Variants in POGZ observed in about 807,000 individuals in gnomAD.
POGZ encodes the protein pogo transposable element derived with ZNF domain.
Under a neutral mutation model 134.6 loss-of-function variants are expected in POGZ, and 17 were observed. The observed-to-expected ratio is 0.13, with a 90% CI of 0.09 to 0.19. The LOEUF (loss-of-function observed/expected upper bound fraction) is 0.19, where lower values mean the gene tolerates loss of function less well. POGZ is among the 10% of genes least tolerant of loss of function. The pLI, the probability that POGZ is intolerant of heterozygous loss-of-function variation, is 1.00. For missense variants in POGZ, 1,306 were observed against 1,769.7 expected, an observed-to-expected ratio of 0.74 and a Z score of 4.70; for synonymous variants, 693 against 657.1, an observed-to-expected ratio of 1.05 and a Z score of -0.84.
At chr1:151,424,614 TG>T (rs1206757823) in intron 8 of POGZ, among the ~76,000 whole-genome samples, 4 of 152,152 alleles carry the variant, frequency 2.6e-5, no homozygotes, top group African/African-American at 9.7e-5. Flanking sequence ...AGCTAAAAAA[TG>T]GAAGTAAGAG....
intron 1 of POGZ, among the ~76,000 whole-genome samples, chr1:151,454,567 C>T (rs1311220935): frequency 6.6e-6 from 1 of 152,112 alleles, no homozygotes; most frequent in African/African-American, 2.4e-5. Context: ...TCAAGAAACA[C>T]CCAAATATTT....
At chr1:151,416,629 T>TG (rs1474082507) in intron 10 of POGZ, among the ~76,000 whole-genome samples, 1 of 150,922 alleles carries the variant, frequency 6.6e-6, no homozygotes. Flanking sequence ...TTTTGGGTTT[T>TG]TTTTTTTTTT....
chr1:151,428,223 G>A lies in POGZ; in HGVS notation c.759C>T (p.Pro253=). The A allele has an allele frequency of 1.9e-6, 3 of 1,613,976 alleles. No homozygotes were observed. The highest frequency in any genetic ancestry group is 2.5e-6 in the Non-Finnish European group (3 of 1,179,860). ...TGGCAGTGGGAGTGGTAGAAGTGCT[G>A]GGAGTGGACTTGGTCTGCTGGGACT... ...QSQSQQTKST[P]STSTTPTATQ... Residue 253 remains proline, a synonymous_variant, in exon 6 of 19, where the codon CCC becomes CCT. Coordinates refer to ENST00000271715, the MANE Select transcript of POGZ (RefSeq NM_015100.4).
intron 15 of POGZ, 57 bp downstream of exon 15, chr1:151,408,043 A>C: frequency 2.9e-6 from 4 of 1,356,426 alleles, no homozygotes; most frequent in Non-Finnish European, 4.1e-6. Flanking sequence ...AAGAAGAAGA[A>C]GAAGAAAAAA....
At chr1:151,454,226 G>A (rs909180552) in intron 1 of POGZ, among the ~76,000 whole-genome samples, 5 of 152,122 alleles carry the variant, frequency 3.3e-5, no homozygotes, top group African/African-American at 1.2e-4. Flanking sequence ...AACATTTTAA[G>A]AATACCACTT....
rs548478809 is a variant in POGZ, at chr1:151,450,124, C to T, written c.-1-7919G>A. Reference sequence around the variant, plus strand: ...TCGGCTCACTGCAACCTCCGCCTACCGGGTACAAGTAATTCTCCTGTTTCA... The same window carrying T: ...TCGGCTCACTGCAACCTCCGCCTACTGGGTACAAGTAATTCTCCTGTTTCA... On this transcript the variant is annotated intron_variant, in intron 1 of 18. Coordinates refer to ENST00000271715, the MANE Select transcript of POGZ (RefSeq NM_015100.4). Among the ~76,000 whole-genome samples, 4 of 148,476 alleles carry T rather than the reference C, an allele frequency of 2.7e-5. No homozygotes were observed. In the South Asian group the frequency reaches 6.5e-4, roughly 24 times the overall value.
At position 151,423,505 on chromosome 1, in the gene POGZ, C is replaced by T. The variant is rs938517110; in HGVS notation, c.1570G>A (p.Gly524Ser). 7 of 1,613,652 alleles carry T rather than the reference C, an allele frequency of 4.3e-6. No homozygotes were observed. Among genetic ancestry groups the T allele is most frequent in the South Asian group, 1.1e-5 (1 of 91,076 alleles). Residue 524 changes from glycine (G) to serine (S), a missense_variant, in exon 10 of 19, where the codon GGT becomes AGT. Coordinates refer to ENST00000271715, the MANE Select transcript of POGZ (RefSeq NM_015100.4). Reference protein sequence around the residue: ...KHHVELDQQNGEVDGHTICQH... With the variant: ...KHHVELDQQNSEVDGHTICQH... ...CAGATAGTGTGACCATCTACCTCAC[C>T]GTTCTGCTGATCGAGTTCTACGTGG...
chr1:151,415,874 C>G (rs1417860494), intron 10 of POGZ, among the ~76,000 whole-genome samples: 1 of 151,890 alleles, frequency 6.6e-6, no homozygotes, highest in Admixed American at 6.6e-5. Flanking sequence ...GGACACCTCA[C>G]CACCAAGCAG....
rs185873100 is a variant in POGZ at position 151,433,423 on chromosome 1, C to T, written c.284-2582G>A. On this transcript the variant is annotated intron_variant, in intron 3 of 18. Transcript: ENST00000271715. The stretch of plus-strand genomic sequence containing the variant: ...AGGAGTTTGAGACCAGCCTGACCAA[C>T]ACGGAGAAATCCCGTCTCTACTAAA... 1.4e-4 allele frequency among the ~76,000 whole-genome samples: 22 copies of T among 151,914 alleles called. 1 individual carries two copies. The East Asian group carries it at 3.3e-3, about 23-fold the overall frequency.
intron 4 of POGZ, 114 bp downstream of exon 4, chr1:151,430,552 A>G (rs762245360): frequency 2.7e-6 from 2 of 754,682 alleles, no homozygotes; most frequent in Non-Finnish European, 2.1e-6. Context: ...AAGCCAGGTC[A>G]AAAGACAAGA....
chr1:151,440,298 C>T (rs755368359), intron 3 of POGZ, among the ~76,000 whole-genome samples: 26 of 151,334 alleles, frequency 1.7e-4, no homozygotes, highest in African/African-American at 3.4e-4. Context: ...TCCCTCGCAG[C>T]GATGCAATGA....
chr1:151,423,450 G>A lies in POGZ; in HGVS notation c.1625C>T (p.Pro542Leu). ...TTCCAAGTGGCACTGAAGCTGGAAG[G>A]GAGTGGAAAACTGGCGGTAACAGTG... ...CQHCYRQFST[P>L]FQLQCHLENV... Residue 542 changes from proline (P) to leucine (L), a missense_variant, in exon 10 of 19, where the codon CCC becomes CTC. Coordinates refer to ENST00000271715, the MANE Select transcript of POGZ (RefSeq NM_015100.4). The A allele has an allele frequency of 6.2e-7, 1 of 1,614,094 alleles. No homozygotes were observed. Among genetic ancestry groups the A allele is most frequent in the Non-Finnish European group, 8.5e-7 (1 of 1,179,928 alleles).
chr1:151,426,774 C>G (rs1274067593), intron 7 of POGZ: 1 of 152,032 alleles, frequency 6.6e-6, no homozygotes, highest in Non-Finnish European at 1.5e-5. Context: ...GCTTTTTGTC[C>G]TATAATTTTT....
chr1:151,438,336 T>C (rs944380895), intron 3 of POGZ, among the ~76,000 whole-genome samples: 1 of 152,180 alleles, frequency 6.6e-6, no homozygotes, highest in African/African-American at 2.4e-5. Context: ...TGCTTATCTA[T>C]GGATGAATTT....
At chr1:151,408,850 A>AG in intron 12 of POGZ, 22 bp from the exon 13 acceptor site, 1 of 1,607,502 alleles carries the variant, frequency 6.2e-7, no homozygotes. Context: ...GAGGGAAAAA[A>AG]AGAGACAAAA....
At chr1:151,456,854 G>C (rs1662833214) in intron 1 of POGZ, among the ~76,000 whole-genome samples, 1 of 152,106 alleles carries the variant, frequency 6.6e-6, no homozygotes, top group Non-Finnish European at 1.5e-5. Context: ...ACTCCACCCT[G>C]GGCGACAGAG....
At chr1:151,443,212 A>G (rs908081523) in intron 1 of POGZ, among the ~76,000 whole-genome samples, 1 of 152,206 alleles carries the variant, frequency 6.6e-6, no homozygotes, top group Non-Finnish European at 1.5e-5. Flanking sequence ...AAATGCATTT[A>G]TTATGATTAC....
At position 151,459,372 on chromosome 1, in the gene POGZ, G is replaced by A. The variant is rs954277122; in HGVS notation, c.-222C>T. 1 of 145,998 alleles carries A rather than the reference G, an allele frequency of 6.8e-6. No individual in the cohort carries two copies. Among genetic ancestry groups the A allele is most frequent in the African/African-American group, 2.5e-5 (1 of 40,098 alleles). The allele number at this position is 145,998 out of a possible 1,614,324, so 9.0% of individuals were successfully genotyped here. ...GGGGTGGATTTTTTTCCCGAGGGGG[G>A]CGGGGGGGCCCCGAGGGAGGGGGGT... On this transcript the variant is annotated 5_prime_UTR_variant, in exon 1 of 19. Coordinates refer to ENST00000271715, the MANE Select transcript of POGZ (RefSeq NM_015100.4).
intron 1 of POGZ, among the ~76,000 whole-genome samples, chr1:151,456,777 A>T (rs1662825663): frequency 6.6e-6 from 1 of 152,238 alleles, no homozygotes; most frequent in South Asian, 2.1e-4. Context: ...ACATGGCGAA[A>T]CACTGTCTCT....
Sources: gnomAD v4.1 joint callset for allele counts (sites outside exome capture counted in the v4.1 genomes callset) on GRCh38, gnomAD v4.1.1 for gene constraint, MANE v1.5 for transcripts, NCBI Gene and HGNC (gene_info 2026-07-23, HGNC 2026-07-21) for gene names.